The following MYCBP2 variants were observed in gnomAD, a reference collection of about 807,000 sequenced individuals.
MYCBP2 encodes the protein E3 ubiquitin-protein ligase MYCBP2.
Under a neutral mutation model 525.3 loss-of-function variants are expected in MYCBP2, and 120 were observed. The observed-to-expected ratio is 0.23, with a 90% confidence interval of 0.20 to 0.27. MYCBP2 has a LOEUF of 0.27. MYCBP2 is among the 10% of genes least tolerant of loss of function. The pLI, the probability that MYCBP2 is intolerant of heterozygous loss-of-function variation, is 1.00. For missense variants in MYCBP2, 4,149 were observed against 5,657.1 expected, an observed-to-expected ratio of 0.73 and a Z score of 8.55; for synonymous variants, 1,894 against 1,955.8, an observed-to-expected ratio of 0.97 and a Z score of 0.83.
chr13:77,277,749 T>A (rs1488567137), intron 4 of MYCBP2, among the ~76,000 whole-genome samples: 1 of 152,222 alleles, frequency 6.6e-6, no homozygotes, highest in Non-Finnish European at 1.5e-5. Context: ...AAGTCCCCGA[T>A]AACTCTGATA....
intron 26 of MYCBP2, among the ~76,000 whole-genome samples, chr13:77,200,522 G>T (rs368037205): frequency 6.6e-6 from 1 of 151,940 alleles, no homozygotes; most frequent in South Asian, 2.1e-4. Context: ...CCAACATTCA[G>T]ATTCAGGAAA....
rs1395496768 is a variant in MYCBP2 at position 77,203,437 on chromosome 13, G to T, written c.3843+1819C>A. Among the ~76,000 whole-genome samples the T allele has an allele frequency of 3.3e-5, 5 of 152,086 alleles. No individual in the cohort carries two copies. In the East Asian group the frequency reaches 7.7e-4, roughly 23 times the overall value. ...AAGAACATCCCATGCTCATGGGTAG[G>T]AAGAATCAATATCGTGAAAATGGCC... On this transcript the variant is annotated intron_variant, in intron 26 of 82. Transcript: ENST00000544440.
chr13:77,059,749 C>T, intron 76 of MYCBP2, 123 bp from the exon 77 acceptor site: 1 of 636,418 alleles, frequency 1.6e-6, no homozygotes, highest in Non-Finnish European at 2.8e-6. Flanking sequence ...ATCAGCCTGA[C>T]AGTTTTAGAA....
chr13:77,119,977 C>A (rs538703473), intron 55 of MYCBP2, among the ~76,000 whole-genome samples: 3 of 152,038 alleles, frequency 2.0e-5, no homozygotes, highest in African/African-American at 7.2e-5. Flanking sequence ...CAAATTTTCT[C>A]GGCAATGTTT....
chr13:77,271,065 C>T (rs963757835), intron 5 of MYCBP2, among the ~76,000 whole-genome samples: 1 of 151,918 alleles, frequency 6.6e-6, no homozygotes, highest in Non-Finnish European at 1.5e-5. Flanking sequence ...TGTCTGACTA[C>T]TTTTTATATT....
intron 15 of MYCBP2, among the ~76,000 whole-genome samples, chr13:77,246,399 G>T (rs570390127): frequency 1.3e-5 from 2 of 151,798 alleles, no homozygotes; most frequent in East Asian, 1.9e-4. Flanking sequence ...GAGAGAACAA[G>T]AATTCATTCT....
At chr13:77,103,392 C>G (rs2047369848) in intron 55 of MYCBP2, 3 of 395,608 alleles carry the variant, frequency 7.6e-6, no homozygotes, top group Non-Finnish European at 1.3e-5. Flanking sequence ...AAAAACAAAG[C>G]ATTTCAAATG....
In MYCBP2 at chr13:77,176,560, G is replaced by A. The variant is rs753988944; in HGVS notation, c.5409C>T (p.Tyr1803=). The stretch of plus-strand genomic sequence containing the variant: ...TATCACTGGGTGAGTCATCCGTTGT[G>A]TACGTTCCTTTCACTAATTCCAGAG... ...WTSLELVKGT[Y]TTDDSPSDIA... Residue 1803 remains tyrosine, a synonymous_variant, in exon 36 of 83, where the codon TAC becomes TAT. Transcript: ENST00000544440. 1.1e-4 allele frequency: 181 copies of A among 1,600,494 alleles called. No individual in the cohort carries two copies. The highest frequency in any genetic ancestry group is 1.5e-4 in the Non-Finnish European group (177 of 1,171,384).
At chr13:77,170,258 G>C (rs1442660399) in intron 38 of MYCBP2, among the ~76,000 whole-genome samples, 2 of 152,112 alleles carry the variant, frequency 1.3e-5, no homozygotes, top group Non-Finnish European at 2.9e-5. Context: ...AAGCTACATT[G>C]CTTTCTGTTT....
intron 52 of MYCBP2, among the ~76,000 whole-genome samples, chr13:77,135,356 A>G (rs1175801014): frequency 2.6e-5 from 4 of 152,264 alleles, no homozygotes; most frequent in Admixed American, 1.3e-4. Flanking sequence ...GTAAATGTAT[A>G]AGACATACAA....
At chr13:77,082,417 T>G (rs1029969827) in intron 63 of MYCBP2, among the ~76,000 whole-genome samples, 1 of 152,192 alleles carries the variant, frequency 6.6e-6, no homozygotes, top group African/African-American at 2.4e-5. Context: ...GAAATCTCTC[T>G]TCCACTGGTC....
At chr13:77,099,299 C>A in intron 55 of MYCBP2, 1 of 332,040 alleles carries the variant, frequency 3.0e-6, no homozygotes, top group Non-Finnish European at 5.5e-6. Context: ...TGCCCTAGTG[C>A]AATAACTAGT....
At chr13:77,210,444 G>A (rs1279054334) in intron 23 of MYCBP2, among the ~76,000 whole-genome samples, 2 of 151,910 alleles carry the variant, frequency 1.3e-5, no homozygotes, top group South Asian at 2.1e-4. Flanking sequence ...TGCCCGCCTT[G>A]GCCTCCCAAA....
At chr13:77,277,237 C>T (rs559667553) in intron 4 of MYCBP2, among the ~76,000 whole-genome samples, 44 of 152,096 alleles carry the variant, frequency 2.9e-4, no homozygotes, top group Middle Eastern at 6.8e-3. Flanking sequence ...CCAAGAAAAC[C>T]GAGCAAAATA....
At position 77,326,408 on chromosome 13, in the gene MYCBP2, C is replaced by G. The variant is rs1443706755; in HGVS notation, c.302+66G>C. ...ACGCAAGCACACACACACGCGGGTG[C>G]ACGCGCGGCATGGGGCGCAAGGAAG... On this transcript the variant is annotated intron_variant, in intron 1 of 82. Transcript: ENST00000544440. The surrounding 1 kb of genome is among the most constrained non-coding windows in gnomAD (Gnocchi z 4.2). The G allele has an allele frequency of 2.1e-6, 3 of 1,443,992 alleles. No homozygotes were observed. The African/African-American group carries it at 4.4e-5, about 21-fold the overall frequency. The allele number at this position is 1,443,992 out of a possible 1,614,324, so 89.4% of individuals were successfully genotyped here.
At chr13:77,198,975 T>A (rs1395806956) in intron 26 of MYCBP2, among the ~76,000 whole-genome samples, 1 of 152,220 alleles carries the variant, frequency 6.6e-6, no homozygotes, top group African/African-American at 2.4e-5. Context: ...TTTCTTCCCT[T>A]CTTACAGAAT....
chr13:77,176,539 A>G lies in MYCBP2; in HGVS notation c.5430T>C (p.Ser1810=), dbSNP rs180996797. ...TGTCAAGTCTGATCTCAGCTATATC[A>G]CTGGGTGAGTCATCCGTTGTGTACG... ...KGTYTTDDSP[S]DIAEIRLDKV... is the part of the protein sequence containing the mutation. The change falls in exon 36 of 83, where the codon AGT becomes AGC. Residue 1810 remains serine (S), a synonymous_variant. Coordinates refer to ENST00000544440, the MANE Select transcript of MYCBP2 (RefSeq NM_015057.5). 32 of 1,598,522 alleles carry G rather than the reference A, an allele frequency of 2.0e-5. No homozygotes were observed. The highest frequency in any genetic ancestry group is 1.7e-4 in the Middle Eastern group (1 of 5,984).
At position 77,140,121 on chromosome 13, in the gene MYCBP2, G is replaced by A; in HGVS notation, c.7444C>T (p.Arg2482Cys). ...TCACTCTGAAGGGAAGGGTGGCTAC[G>A]GATGCGAAGCCCCGCACTGTCCTTG... ...VAKDSAGLRI[R>C]SHPSLQSEQI... is the part of the protein sequence containing the mutation. Residue 2482 changes from arginine (R) to cysteine (C), a missense_variant, in exon 51 of 83, where the codon CGT (arginine) becomes TGT (cysteine). By Grantham distance (180) the Arg-to-Cys change is radical. Transcript: ENST00000544440. 1 of 1,613,240 alleles carries A rather than the reference G, an allele frequency of 6.2e-7. No homozygotes were observed. Among genetic ancestry groups the A allele is most frequent in the Non-Finnish European group, 8.5e-7 (1 of 1,179,792 alleles).
chr13:77,316,947 T>C (rs1378244208), intron 1 of MYCBP2, among the ~76,000 whole-genome samples: 2 of 109,998 alleles, frequency 1.8e-5, no homozygotes, highest in African/African-American at 5.0e-5. Context: ...ACTTCTTTTT[T>C]TGTTGTTTTT....
Sources: allele counts gnomAD v4.1 joint callset (sites outside exome capture counted in the v4.1 genomes callset), GRCh38; gene constraint gnomAD v4.1.1; non-coding constraint Gnocchi (gnomAD v3.1); transcripts MANE v1.5; gene names NCBI Gene and HGNC (gene_info 2026-07-23, HGNC 2026-07-21).